Variants in C1QTNF2 observed in about 807,000 individuals in gnomAD.
The protein encoded by C1QTNF2 is C1q and TNF related 2, also known as complement C1q tumor necrosis factor-related protein 2.
C1QTNF2 carries 15 observed loss-of-function variants against 17.4 expected under a neutral mutation model. The observed-to-expected ratio is 0.86, with a 90% CI of 0.58 to 1.33. The LOEUF is 1.33. Ranked by LOEUF, C1QTNF2 falls within the 40% of genes most tolerant of loss-of-function variation. C1QTNF2 has a pLI of 0.00. For missense variants in C1QTNF2, 381 were observed against 392.3 expected (o/e 0.97, Z 0.24); for synonymous variants, 154 against 163.3 (o/e 0.94, Z 0.44).
At chr5:160,358,395 G>A (rs1170507885) in intron 1 of C1QTNF2, among the ~76,000 whole-genome samples, 4 of 152,222 alleles carry the variant, frequency 2.6e-5, no homozygotes, top group African/African-American at 7.2e-5. Flanking sequence ...AGCCTGGGGG[G>A]CAGGGTGCTT....
In C1QTNF2 at chr5:160,347,981, T is replaced by C. The variant is rs1244699943; in HGVS notation, c.*1187A>G. On this transcript the variant is annotated 3_prime_UTR_variant, in exon 3 of 3. Coordinates refer to ENST00000652664, the MANE Select transcript of C1QTNF2 (RefSeq NM_031908.6). The stretch of plus-strand genomic sequence containing the variant: ...CATGTTGGTCAGGCTGGTCTTGAAC[T>C]CCTGACCTCAAATGATCCGTCCACC... 2 of 152,172 alleles carry C rather than the reference T, an allele frequency of 1.3e-5. No homozygotes were observed. The highest frequency in any genetic ancestry group is 2.9e-5 in the Non-Finnish European group (2 of 68,044). 9.4% of individuals were successfully genotyped at this position (152,172 alleles called of 1,614,324 possible).
intron 2 of C1QTNF2, 34 bp downstream of exon 2, chr5:160,354,734 G>C: frequency 6.2e-7 from 1 of 1,612,308 alleles, no homozygotes; most frequent in Non-Finnish European, 8.5e-7. Context: ...TGTCAGCCAG[G>C]TGGGAACGAG....
rs765888769 is a variant in C1QTNF2, at chr5:160,349,411, G to A, written c.615C>T (p.Asn205=). 3.1e-6 allele frequency: 5 copies of A among 1,614,080 alleles called. No individual in the cohort carries two copies. The highest frequency in any genetic ancestry group is 4.2e-6 in the Non-Finnish European group (5 of 1,180,022). Residue 205 remains asparagine (N), a synonymous_variant, in exon 3 of 3, where the codon AAC becomes AAT. Transcript: ENST00000652664. The surrounding 1 kb of genome is among the most constrained non-coding windows in gnomAD (Gnocchi z 4.3). ...YYFTYDITLA[N]KHLAIGLVHN... ...GCACCAGGCCGATGGCCAGGTGCTT[G>A]TTGGCCAGCGTGATGTCGTAGGTGA...
At chr5:160,370,440 G>A in intron 1 of C1QTNF2, 72 bp downstream of exon 1, 3 of 1,365,752 alleles carry the variant, frequency 2.2e-6, no homozygotes, top group South Asian at 1.7e-5. Context: ...GCCCGCAGCA[G>A]TGCGAGTCCT....
At chr5:160,359,468 C>T (rs1764111541) in intron 1 of C1QTNF2, among the ~76,000 whole-genome samples, 3 of 152,166 alleles carry the variant, frequency 2.0e-5, no homozygotes, top group African/African-American at 7.2e-5. Context: ...CTAAATATTC[C>T]ACATTACAGA....
At chr5:160,366,782 T>C (rs1224830875) in intron 1 of C1QTNF2, among the ~76,000 whole-genome samples, 1 of 152,026 alleles carries the variant, frequency 6.6e-6, no homozygotes, top group Non-Finnish European at 1.5e-5. Context: ...CCAGCACTTT[T>C]GGAGGCCAAA....
Position 160,354,929 on chromosome 5 carries a change from CG to C in C1QTNF2, c.82del (p.Arg28GlyfsTer29). 3 of 1,598,778 alleles carry C rather than the reference CG, an allele frequency of 1.9e-6. No individual in the cohort carries two copies. The highest frequency in any genetic ancestry group is 2.6e-6 in the Non-Finnish European group (3 of 1,173,158). On this transcript the variant is annotated frameshift_variant, in exon 2 of 3. Transcript: ENST00000652664. LOFTEE classifies it high-confidence loss of function. ...LLGAFARRDF[R>X]KGSPQLVCSL... ...GCAGACCAGTTGAGGGGAGCCTTTC[CG>C]GAAGTCCCTGCGAGCAAAGGCGCCA...
At chr5:160,353,153 G>A (rs1763957454) in intron 2 of C1QTNF2, among the ~76,000 whole-genome samples, 1 of 152,068 alleles carries the variant, frequency 6.6e-6, no homozygotes, top group Non-Finnish European at 1.5e-5. Context: ...GTAACATGGG[G>A]AAAATAAGAA....
chr5:160,366,848 ACCTC>A (rs1764255958), intron 1 of C1QTNF2, among the ~76,000 whole-genome samples: 1 of 129,760 alleles, frequency 7.7e-6, no homozygotes. Flanking sequence ...ATATGGCAAA[ACCTC>A]ATCTCTACAA....
Position 160,349,705 on chromosome 5 carries a change from G to C in C1QTNF2, c.321C>G (p.Pro107=). The change falls in exon 3 of 3, where the codon CCC becomes CCG. Residue 107 remains proline, a synonymous_variant. Transcript: ENST00000652664. This position sits in a 1 kb window ranked among gnomAD's most constrained non-coding sequence, Gnocchi z 4.3. ...GKAGAIGRAG[P]RGPKGVNGTP... ...TACCGTTGACCCCCTTGGGGCCACG[G>C]GGGCCAGCCCGCCCAATGGCCCCGG... 6.3e-7 allele frequency: 1 copy of C among 1,590,266 alleles called. No individual in the cohort carries two copies. The highest frequency in any genetic ancestry group is 8.5e-7 in the Non-Finnish European group (1 of 1,171,544).
At chr5:160,351,703 TAGTA>T (rs1763925728) in intron 2 of C1QTNF2, among the ~76,000 whole-genome samples, 2 of 151,830 alleles carry the variant, frequency 1.3e-5, no homozygotes, top group South Asian at 2.1e-4. Flanking sequence ...TGAGAAGGGG[TAGTA>T]AGTAAGGAGG....
At position 160,354,631 on chromosome 5, in the gene C1QTNF2, T is replaced by TATAG. The variant is rs1554127204; in HGVS notation, c.244+133_244+136dup. On this transcript the variant is annotated intron_variant, in intron 2 of 2. Transcript: ENST00000652664. ...ATATATATATATATATATATATATATATAGATTTATAAGTAAATAGTAATT... is the reference window on the plus strand; with the variant it reads ...ATATATATATATATATATATATATATATAGATAGATTTATAAGTAAATAGTAATT... The TATAG allele has an allele frequency of 2.0e-3, 449 of 223,112 alleles. 84 individuals carry two copies. The highest frequency in any genetic ancestry group is 3.2e-3 in the East Asian group (27 of 8,536). 13.8% of individuals were successfully genotyped at this position (223,112 alleles called of 1,614,324 possible). A position where few individuals can be genotyped will look rare whatever the true frequency, so the allele number is the denominator to read the frequency against.
chr5:160,354,596 AAGTATATAT>A (rs5872640), intron 2 of C1QTNF2, among the ~76,000 whole-genome samples, 163 bp downstream of exon 2: 11,322 of 49,780 alleles, frequency 0.23, 898 homozygotes, highest in Middle Eastern at 0.35. Context: ...AAAAAAAAAA[AAGTATATAT>A]ATATATATAT....
At chr5:160,350,951 CGT>C (rs1763908383) in intron 2 of C1QTNF2, among the ~76,000 whole-genome samples, 2 of 152,088 alleles carry the variant, frequency 1.3e-5, no homozygotes, top group African/African-American at 4.8e-5. Context: ...GGGGTTTCAC[CGT>C]GTTAGCCAGG....
intron 1 of C1QTNF2, chr5:160,355,324 A>G: frequency 1.3e-6 from 1 of 782,950 alleles, no homozygotes; most frequent in East Asian, 1.3e-4. Context: ...TATGACCCAG[A>G]GACTGATGAC....
intron 1 of C1QTNF2, 31 bp downstream of exon 1, chr5:160,370,480 GC>G: frequency 1.4e-6 from 2 of 1,405,342 alleles, no homozygotes; most frequent in South Asian, 3.2e-5. Context: ...CGCACTTGCC[GC>G]CCCCGCCCGA....
chr5:160,351,072 C>A (rs972369282), intron 2 of C1QTNF2, among the ~76,000 whole-genome samples: 2 of 152,206 alleles, frequency 1.3e-5, no homozygotes, highest in South Asian at 4.1e-4. Flanking sequence ...TATTTCTACA[C>A]CCATTTAAAC....
chr5:160,368,480 C>T (rs1228131830), intron 1 of C1QTNF2, among the ~76,000 whole-genome samples: 3 of 145,926 alleles, frequency 2.1e-5, no homozygotes, highest in East Asian at 2.0e-4. Flanking sequence ...TGCAGTGAGC[C>T]GAGATTGTGC....
chr5:160,357,109 C>T (rs1265140562), intron 1 of C1QTNF2, among the ~76,000 whole-genome samples: 2 of 152,192 alleles, frequency 1.3e-5, no homozygotes, highest in Non-Finnish European at 2.9e-5. Flanking sequence ...AGTCGTGAAA[C>T]ATCTAGAAAT....
Sources: gnomAD v4.1 joint callset for allele counts (sites outside exome capture counted in the v4.1 genomes callset) on GRCh38, gnomAD v4.1.1 for gene constraint, Gnocchi (gnomAD v3.1) non-coding constraint, MANE v1.5 for transcripts, NCBI Gene and HGNC (gene_info 2026-07-23, HGNC 2026-07-21) for gene names.